The following TMA7 variants were observed in gnomAD, a reference collection of about 807,000 sequenced individuals.
The protein encoded by TMA7 is translation machinery associated 7 homolog, also known as translation machinery-associated protein 7.
In TMA7, 5 loss-of-function variants were observed where a neutral mutation model predicts 12.5. That is an observed-to-expected ratio of 0.40 (90% CI 0.21 to 0.84). The LOEUF is 0.84. TMA7 is among the 40% of genes least tolerant of loss of function. TMA7 has a pLI of 0.36. For synonymous variants in TMA7, 36 were observed against 28.1 expected, an observed-to-expected ratio of 1.28 and a Z score of -0.89; for missense variants, 71 against 75.4, an observed-to-expected ratio of 0.94 and a Z score of 0.22.
chr3:48,440,546 T>C lies in TMA7; in HGVS notation c.78T>C (p.Asp26=). The C allele has an allele frequency of 6.2e-7, 1 of 1,611,222 alleles. No individual in the cohort carries two copies. The highest frequency in any genetic ancestry group is 8.5e-7 in the Non-Finnish European group (1 of 1,179,576). Residue 26 remains aspartate, a synonymous_variant, in exon 3 of 4, where the codon GAT becomes GAC. Coordinates refer to ENST00000438607, the MANE Select transcript of TMA7 (RefSeq NM_015933.6). Reference sequence around the variant, plus strand: ...CACGCTCTGCCTCTCCCCAGGAAGATAAGGCTTTCAAGCAGAAACAAAAAG... The same window carrying C: ...CACGCTCTGCCTCTCCCCAGGAAGACAAGGCTTTCAAGCAGAAACAAAAAG... ...KKQAKEMDEE[D]KAFKQKQKEE...
At chr3:48,442,058 C>T (rs1018344853) in intron 3 of TMA7, among the ~76,000 whole-genome samples, 1 of 152,062 alleles carries the variant, frequency 6.6e-6, no homozygotes, top group African/African-American at 2.4e-5. Flanking sequence ...ACCCTGTCTA[C>T]AGAAAAAATT....
Position 48,444,051 on chromosome 3 carries a change from G to A in TMA7, c.*169G>A, listed in dbSNP as rs1188317268. 2.2e-6 allele frequency: 1 copy of A among 450,442 alleles called. No homozygotes were observed. Among genetic ancestry groups the A allele is most frequent in the East Asian group, 3.6e-5 (1 of 27,770 alleles). The allele number at this position is 450,442 out of a possible 1,614,324, so 27.9% of individuals were successfully genotyped here. A position where few individuals can be genotyped will look rare whatever the true frequency, so the allele number is the denominator to read the frequency against. ...TGTAAAAAAAGAAAAATCTTACAGT[G>A]GCTCATCATCTCTTTAGTTGTTTTC... On this transcript the variant is annotated 3_prime_UTR_variant, in exon 4 of 4. Coordinates refer to ENST00000438607, the MANE Select transcript of TMA7 (RefSeq NM_015933.6).
In TMA7 at chr3:48,443,988, GT is replaced by G. The variant is rs1318088233; in HGVS notation, c.*108del. ...TTGCCACGTATAGCTGGAATTAAGTGTTGTCTTGGAGCTGTTGTACATTTAA... is the reference window on the plus strand; with the variant it reads ...TTGCCACGTATAGCTGGAATTAAGTGTGTCTTGGAGCTGTTGTACATTTAA... On this transcript the variant is annotated 3_prime_UTR_variant, in exon 4 of 4. Transcript: ENST00000438607. 1.2e-6 allele frequency: 1 copy of G among 830,696 alleles called. No individual in the cohort carries two copies. The highest frequency in any genetic ancestry group is 1.7e-6 in the Non-Finnish European group (1 of 587,646). The allele number at this position is 830,696 out of a possible 1,614,324, so 51.5% of individuals were successfully genotyped here. A position where few individuals can be genotyped will look rare whatever the true frequency, so the allele number is the denominator to read the frequency against.
At position 48,440,472 on chromosome 3, in the gene TMA7, C is replaced by T. The variant is rs983360513; in HGVS notation, c.72+14C>T. On this transcript the variant is annotated intron_variant, in intron 2 of 3. Transcript: ENST00000438607. Reference sequence around the variant, plus strand: ...GAGATGGACGAGGTGAGGGCGGGCGCGGAGGCACTGGCGGGTGCGGGGGCG... The same window carrying T: ...GAGATGGACGAGGTGAGGGCGGGCGTGGAGGCACTGGCGGGTGCGGGGGCG... 6 of 1,611,488 alleles carry T rather than the reference C, an allele frequency of 3.7e-6. No homozygotes were observed. The highest frequency in any genetic ancestry group is 5.1e-6 in the Non-Finnish European group (6 of 1,179,400).
intron 3 of TMA7, among the ~76,000 whole-genome samples, chr3:48,441,277 C>T (rs956207652): frequency 6.6e-6 from 1 of 152,022 alleles, no homozygotes; most frequent in Non-Finnish European, 1.5e-5. Flanking sequence ...AACTCCTGAC[C>T]TCGTGATCCA....
chr3:48,441,485 CTT>C (rs35268029), intron 3 of TMA7, among the ~76,000 whole-genome samples: 2 of 145,484 alleles, frequency 1.4e-5, no homozygotes, highest in African/African-American at 2.5e-5. Flanking sequence ...ACCTGGCCAA[CTT>C]TTTTTTTTTT....
intron 3 of TMA7, among the ~76,000 whole-genome samples, chr3:48,443,645 A>C (rs2039617265): frequency 9.5e-6 from 1 of 105,268 alleles, no homozygotes; most frequent in African/African-American, 3.6e-5. Context: ...ACCAGTGCAC[A>C]GCCAGCCACT....
At chr3:48,441,803 C>T (rs1347305605) in intron 3 of TMA7, among the ~76,000 whole-genome samples, 2 of 152,188 alleles carry the variant, frequency 1.3e-5, no homozygotes, top group Non-Finnish European at 2.9e-5. Flanking sequence ...GCACTGTGAG[C>T]CATGCTAGGC....
intron 3 of TMA7, among the ~76,000 whole-genome samples, 157 bp from the exon 4 acceptor site, chr3:48,443,687 TTACC>T (rs2039618656): frequency 6.6e-6 from 1 of 152,140 alleles, no homozygotes; most frequent in African/African-American, 2.4e-5. Flanking sequence ...CATTTTACCT[TTACC>T]TAGAACAGAC....
Position 48,443,972 on chromosome 3 carries a change from A to G in TMA7, c.*90A>G. The G allele has an allele frequency of 2.1e-6, 2 of 941,494 alleles. No homozygotes were observed. The highest frequency in any genetic ancestry group is 2.9e-6 in the Non-Finnish European group (2 of 682,072). 58.3% of individuals were successfully genotyped at this position (941,494 alleles called of 1,614,324 possible). On this transcript the variant is annotated 3_prime_UTR_variant, in exon 4 of 4. Transcript: ENST00000438607. ...CCTGCCATAACATCTTTTGCCACGT[A>G]TAGCTGGAATTAAGTGTTGTCTTGG...
intron 3 of TMA7, chr3:48,441,043 TCTCA>T: frequency 4.9e-6 from 1 of 202,624 alleles, no homozygotes; most frequent in South Asian, 6.6e-5. Context: ...TGAGACAGAG[TCTCA>T]CTCTGTCTCC....
At chr3:48,442,978 G>C (rs1280714210) in intron 3 of TMA7, among the ~76,000 whole-genome samples, 2 of 151,698 alleles carry the variant, frequency 1.3e-5, no homozygotes, top group Non-Finnish European at 2.9e-5. Context: ...GGTGGCTCAA[G>C]ACTGTAATCC....
Position 48,442,097 on chromosome 3 carries a change from C to T in TMA7, c.160+1469C>T, listed in dbSNP as rs544845519. Among the ~76,000 whole-genome samples the T allele has an allele frequency of 4.6e-5, 7 of 151,938 alleles. No homozygotes were observed. The East Asian group carries it at 9.6e-4, about 21-fold the overall frequency. ...AATTAGCTGGGCGTGGTGGTGGTGG[C>T]GGCCCGTTTCCTGTAATCCCAGCTA... On this transcript the variant is annotated intron_variant, in intron 3 of 3. Coordinates refer to ENST00000438607, the MANE Select transcript of TMA7 (RefSeq NM_015933.6).
chr3:48,441,199 C>T (rs1341422793), intron 3 of TMA7, among the ~76,000 whole-genome samples: 2 of 151,340 alleles, frequency 1.3e-5, no homozygotes, highest in African/African-American at 2.4e-5. Flanking sequence ...TTTTTTGAGA[C>T]GGAGTGCGGC....
chr3:48,441,417 A>T (rs1366774328), intron 3 of TMA7, among the ~76,000 whole-genome samples: 3 of 150,556 alleles, frequency 2.0e-5, no homozygotes, highest in Non-Finnish European at 4.4e-5. Context: ...TCCTGACTTC[A>T]AGTGATTCAC....
At chr3:48,443,243 A>C (rs2039607853) in intron 3 of TMA7, among the ~76,000 whole-genome samples, 1 of 5,336 alleles carries the variant, frequency 1.9e-4, no homozygotes, top group Admixed American at 2.9e-3. Context: ...TCCATCTCCA[A>C]AAAAAAAAAA....
rs1043146386 is a variant in TMA7 at position 48,442,452 on chromosome 3, C to G, written c.161-1396C>G. 2.3e-5 allele frequency among the ~76,000 whole-genome samples: 3 copies of G among 130,744 alleles called. No homozygotes were observed. The Admixed American group carries it at 2.3e-4, about 10-fold the overall frequency. 85.8% of individuals were successfully genotyped at this position (130,744 alleles called of 152,430 possible). A position where few individuals can be genotyped will look rare whatever the true frequency, so the allele number is the denominator to read the frequency against. On this transcript the variant is annotated intron_variant, in intron 3 of 3. Coordinates refer to ENST00000438607, the MANE Select transcript of TMA7 (RefSeq NM_015933.6). ...TGTATTAGGCATATGTAACCCTACA[C>G]TTTTTTTTTTTTTTTTTTTTAAATA...
rs1261642735 is a variant in TMA7 at position 48,444,017 on chromosome 3, A to G, written c.*135A>G. The G allele has an allele frequency of 7.5e-6, 5 of 667,866 alleles. No homozygotes were observed. The highest frequency in any genetic ancestry group is 1.9e-5 in the African/African-American group (1 of 53,138). The allele number at this position is 667,866 out of a possible 1,614,324, so 41.4% of individuals were successfully genotyped here. Reference sequence around the variant, plus strand: ...TCTTGGAGCTGTTGTACATTTAAGAATAAACTTTTGTAAAAAAAGAAAAAT... The same window carrying G: ...TCTTGGAGCTGTTGTACATTTAAGAGTAAACTTTTGTAAAAAAAGAAAAAT... On this transcript the variant is annotated 3_prime_UTR_variant, in exon 4 of 4. Transcript: ENST00000438607.
At chr3:48,443,457 C>G (rs2039612208) in intron 3 of TMA7, among the ~76,000 whole-genome samples, 1 of 151,688 alleles carries the variant, frequency 6.6e-6, no homozygotes, top group Non-Finnish European at 1.5e-5. Context: ...TTGCTTCAAC[C>G]TGGGAGGCAG....
Sources: allele counts gnomAD v4.1 joint callset (sites outside exome capture counted in the v4.1 genomes callset), GRCh38; gene constraint gnomAD v4.1.1; transcripts MANE v1.5; gene names NCBI Gene and HGNC (gene_info 2026-07-23, HGNC 2026-07-21).